DNAH7: variants seen among roughly 807,000 people sequenced by gnomAD.
The protein encoded by DNAH7 is dynein axonemal heavy chain 7, also known as axonemal beta dynein heavy chain 7.
DNAH7 carries 397 observed loss-of-function variants against 444.6 expected under a neutral mutation model. The ratio of observed to expected loss-of-function variants is 0.89; its 90% CI spans 0.82 to 0.97. The LOEUF (loss-of-function observed/expected upper bound fraction) is 0.97, where lower values mean the gene tolerates loss of function less well. DNAH7 is among the 50% of genes least tolerant of loss of function. The pLI is 0.00. For synonymous variants in DNAH7, 1,636 were observed against 1,624.4 expected (o/e 1.01, Z -0.17); for missense variants, 4,902 against 4,800.8 (o/e 1.02, Z -0.62).
chr2:195,749,182 A>G (rs1156776871), intron 63 of DNAH7, among the ~76,000 whole-genome samples: 3 of 152,218 alleles, frequency 2.0e-5, no homozygotes, highest in African/African-American at 7.2e-5. Context: ...GACATGAAAA[A>G]ACACTTCTCA....
rs191681734 is a variant in DNAH7 at position 195,886,182 on chromosome 2, G to A, written c.5497C>T (p.Leu1833=). Residue 1833 remains leucine (L), a synonymous_variant, in exon 34 of 65, where the codon CTA becomes TTA. Transcript: ENST00000312428. The part of the protein sequence containing the change: ...FMDDFADEVK[L]KERNDRETYS... ...GTTTCTCGATCATTTCTCTCCTTTA[G>A]TTTGACTTCATCAGCAAAATCATCC... 1.0e-4 allele frequency: 167 copies of A among 1,613,822 alleles called. No homozygotes were observed. Among genetic ancestry groups the A allele is most frequent in the East Asian group, 6.9e-4 (31 of 44,862 alleles).
intron 25 of DNAH7, among the ~76,000 whole-genome samples, chr2:195,909,105 G>A (rs62201532): frequency 0.26 from 39,656 of 151,878 alleles, 7,948 homozygotes; most frequent in African/African-American, 0.56. Context: ...GGAGAAGAGT[G>A]AGGATTGAAA....
At chr2:195,752,720 C>A (rs540083677) in intron 63 of DNAH7, among the ~76,000 whole-genome samples, 1 of 151,946 alleles carries the variant, frequency 6.6e-6, no homozygotes, top group South Asian at 2.1e-4. Flanking sequence ...GTACTGGAAA[C>A]AAAGAGAGAA....
At chr2:195,941,425 G>A (rs1421605835) in intron 19 of DNAH7, among the ~76,000 whole-genome samples, 1 of 144,506 alleles carries the variant, frequency 6.9e-6, no homozygotes, top group East Asian at 2.0e-4. Flanking sequence ...AATGCATGCA[G>A]GGCTTAAAAC....
intron 48 of DNAH7, 101 bp downstream of exon 48, chr2:195,834,105 G>A: frequency 2.4e-6 from 3 of 1,227,956 alleles, no homozygotes; most frequent in Non-Finnish European, 3.3e-6. Flanking sequence ...TACTTGGTAG[G>A]CTGAGGTGGG....
intron 21 of DNAH7, among the ~76,000 whole-genome samples, chr2:195,932,737 GT>G (rs1688784298): frequency 6.6e-6 from 1 of 152,192 alleles, no homozygotes; most frequent in African/African-American, 2.4e-5. Flanking sequence ...ATTTGTGTGT[GT>G]CGAACCAGCC....
chr2:195,976,780 A>AGAGAGAGAGAGAGAGG (rs1559295046), intron 15 of DNAH7, among the ~76,000 whole-genome samples: 1 of 148,914 alleles, frequency 6.7e-6, no homozygotes, highest in African/African-American at 2.5e-5. Flanking sequence ...AGAGAGAGAG[A>AGAGAGAGAGAGAGAGG]GAGAGAGACT....
intron 1 of DNAH7, among the ~76,000 whole-genome samples, chr2:196,058,655 T>C (rs1483930598): frequency 6.6e-6 from 1 of 152,048 alleles, no homozygotes; most frequent in Non-Finnish European, 1.5e-5. Context: ...ACCTATACAA[T>C]GAAACCATAA....
At chr2:196,029,103 G>A (rs1695871724) in intron 5 of DNAH7, among the ~76,000 whole-genome samples, 2 of 152,132 alleles carry the variant, frequency 1.3e-5, no homozygotes, top group African/African-American at 4.8e-5. Flanking sequence ...TTTAGCACAT[G>A]GAGAGAAAAG....
intron 63 of DNAH7, among the ~76,000 whole-genome samples, chr2:195,750,017 A>C (rs1307049787): frequency 6.6e-6 from 1 of 151,908 alleles, no homozygotes; most frequent in Non-Finnish European, 1.5e-5. Context: ...GAAATAAAAT[A>C]AATAAATAAA....
chr2:195,852,872 T>C (rs76545374), intron 46 of DNAH7, among the ~76,000 whole-genome samples: 4,700 of 144,580 alleles, frequency 0.033, 92 homozygotes, highest in Middle Eastern at 0.049. Flanking sequence ...TTGAGACTGA[T>C]AGGAAACAGC....
intron 19 of DNAH7, among the ~76,000 whole-genome samples, chr2:195,955,453 T>C (rs1350996338): frequency 6.6e-6 from 1 of 152,182 alleles, no homozygotes; most frequent in Non-Finnish European, 1.5e-5. Context: ...TGAAGTCAGG[T>C]AGCATGATGC....
At position 195,872,362 on chromosome 2, in the gene DNAH7, G is replaced by T. The variant is rs1194203610; in HGVS notation, c.6521C>A (p.Ser2174Tyr). Residue 2174 changes from serine (S) to tyrosine (Y), a missense_variant, in exon 40 of 65, where the codon TCT becomes TAT. Ser to Tyr is a moderately radical substitution (Grantham distance 144). Coordinates refer to ENST00000312428, the MANE Select transcript of DNAH7 (RefSeq NM_018897.3). Reference protein sequence around the residue: ...MKNLLPTPAKSHYLFNLRDFS... With the variant: ...MKNLLPTPAKYHYLFNLRDFS... ...ATCACGGAGGTTGAACAAGTAGTGA[G>T]ATTTAGCTGGAGTAGGCAAGAGATT... The T allele has an allele frequency of 6.2e-7, 1 of 1,613,916 alleles. No individual in the cohort carries two copies. Among genetic ancestry groups the T allele is most frequent in the African/African-American group, 1.3e-5 (1 of 75,036 alleles).
chr2:195,989,231 T>C (rs576792570), intron 12 of DNAH7, among the ~76,000 whole-genome samples: 12 of 152,334 alleles, frequency 7.9e-5, no homozygotes, highest in African/African-American at 2.6e-4. Context: ...ATCATATGGT[T>C]GTACTACCTG....
chr2:195,959,586 G>T (rs1456471572), intron 18 of DNAH7, among the ~76,000 whole-genome samples: 2 of 152,296 alleles, frequency 1.3e-5, no homozygotes, highest in Admixed American at 1.3e-4. Context: ...CTACCAAGCT[G>T]TTAGCATTCC....
At chr2:195,958,313 A>G (rs1381832208) in intron 18 of DNAH7, among the ~76,000 whole-genome samples, 1 of 152,142 alleles carries the variant, frequency 6.6e-6, no homozygotes, top group South Asian at 2.1e-4. Context: ...AATAGTAAAT[A>G]TATTTTTCTC....
intron 48 of DNAH7, among the ~76,000 whole-genome samples, chr2:195,832,368 T>G (rs1698117572): frequency 6.6e-6 from 1 of 152,208 alleles, no homozygotes; most frequent in Non-Finnish European, 1.5e-5. Flanking sequence ...AAGGAAATTA[T>G]TTGAATATTT....
At position 195,756,154 on chromosome 2, in the gene DNAH7, A is replaced by T. The variant is rs368008760; in HGVS notation, c.11565T>A (p.Leu3855=). 1 of 1,604,748 alleles carries T rather than the reference A, an allele frequency of 6.2e-7. No individual in the cohort carries two copies. Among genetic ancestry groups the T allele is most frequent in the East Asian group, 2.2e-5 (1 of 44,674 alleles). Residue 3855 remains leucine (L), a synonymous_variant, in exon 62 of 65, where the codon CTT becomes CTA. Transcript: ENST00000312428. ...KPLGSYVNDF[L]ARLKFLQQWY... ...TTACCTGCAAGAATTTTAGTCTTGCAAGGAAGTCATTCACATAGCTGCCAA... is the reference window on the plus strand; with the variant it reads ...TTACCTGCAAGAATTTTAGTCTTGCTAGGAAGTCATTCACATAGCTGCCAA...
At chr2:195,964,821 A>G (rs1691360812) in intron 17 of DNAH7, among the ~76,000 whole-genome samples, 1 of 151,354 alleles carries the variant, frequency 6.6e-6, no homozygotes, top group Admixed American at 6.6e-5. Context: ...GGTTGCAGTG[A>G]GCCGAGGTCA....
Sources: allele counts gnomAD v4.1 joint callset (sites outside exome capture counted in the v4.1 genomes callset), GRCh38; gene constraint gnomAD v4.1.1; transcripts MANE v1.5; gene names NCBI Gene and HGNC (gene_info 2026-07-23, HGNC 2026-07-21).